SLC12A8: variants seen among roughly 807,000 people sequenced by gnomAD.
SLC12A8 encodes the protein cation-chloride cotransporter 9.
In SLC12A8, 69 loss-of-function variants were observed where a neutral mutation model predicts 75.6. The ratio of observed to expected loss-of-function variants is 0.91; its 90% CI spans 0.75 to 1.11. The LOEUF is 1.11. Ranked by LOEUF, SLC12A8 falls within the 50% of genes most tolerant of loss-of-function variation. SLC12A8 has a pLI of 0.00. For missense variants in SLC12A8, 877 were observed against 896.7 expected, an observed-to-expected ratio of 0.98 and a Z score of 0.28; for synonymous variants, 365 against 372.8, an observed-to-expected ratio of 0.98 and a Z score of 0.24.
At chr3:125,137,675 T>C (rs1933525578) in intron 5 of SLC12A8, among the ~76,000 whole-genome samples, 1 of 152,202 alleles carries the variant, frequency 6.6e-6, no homozygotes, top group Non-Finnish European at 1.5e-5. Context: ...CACAGGGGAA[T>C]ATTTGGTCAC....
intron 2 of SLC12A8, among the ~76,000 whole-genome samples, chr3:125,207,387 T>C (rs1935246493): frequency 6.6e-6 from 1 of 152,196 alleles, no homozygotes. Flanking sequence ...TTTAAGTTCC[T>C]GTTGAGACCC....
intron 10 of SLC12A8, among the ~76,000 whole-genome samples, chr3:125,100,380 C>A (rs113304653): frequency 1.3e-5 from 2 of 151,822 alleles, no homozygotes; most frequent in African/African-American, 4.8e-5. Context: ...ATTTTTATAG[C>A]TTAATAGATA....
intron 5 of SLC12A8, among the ~76,000 whole-genome samples, chr3:125,151,764 A>G (rs945498434): frequency 1.3e-5 from 2 of 152,256 alleles, no homozygotes; most frequent in African/African-American, 4.8e-5. Context: ...CATTTTGAGT[A>G]TAACTTTTTA....
chr3:125,107,925 T>C lies in SLC12A8; in HGVS notation c.1261A>G (p.Arg421Gly). 1 of 1,614,142 alleles carries C rather than the reference T, an allele frequency of 6.2e-7. No homozygotes were observed. Among genetic ancestry groups the C allele is most frequent in the East Asian group, 2.2e-5 (1 of 44,876 alleles). ...CAGTGGAGGCCTTCTGCGCCCTCCC[T>C]GAGCACCGGCTCAGGCACCGGGGTC... ...SLTPVPEPVL[R>G]EGAEGLHCSE... The change falls in exon 10 of 14, where the codon AGG (arginine) becomes GGG (glycine). Residue 421 changes from arginine (R) to glycine (G), a missense_variant. By Grantham distance (125) the Arg-to-Gly change is moderately radical (BLOSUM62 -2). Transcript: ENST00000469902.
chr3:125,135,223 G>A (rs1933456861), intron 6 of SLC12A8, among the ~76,000 whole-genome samples: 1 of 152,242 alleles, frequency 6.6e-6, no homozygotes. Flanking sequence ...GGGAGAAGAT[G>A]TGCTGGTACG....
At position 125,083,875 on chromosome 3, in the gene SLC12A8, G is replaced by T. The variant is rs1255100433; in HGVS notation, c.*15C>A. The stretch of plus-strand genomic sequence containing the variant: ...CATGGGACAGCTCCAAAAGAGGAAG[G>T]TCCCAGCACTGCATCTAGTAGTGAG... On this transcript the variant is annotated 3_prime_UTR_variant, in exon 14 of 14. Transcript: ENST00000469902. The T allele has an allele frequency of 6.2e-7, 1 of 1,608,070 alleles. No homozygotes were observed. Among genetic ancestry groups the T allele is most frequent in the Non-Finnish European group, 8.5e-7 (1 of 1,177,370 alleles).
intron 13 of SLC12A8, 86 bp downstream of exon 13, chr3:125,088,224 G>A: frequency 7.2e-7 from 1 of 1,397,182 alleles, no homozygotes; most frequent in South Asian, 1.2e-5. Flanking sequence ...CCAGGCCCAA[G>A]CCCAGCCAGG....
chr3:125,205,827 A>C (rs56077477), intron 2 of SLC12A8, among the ~76,000 whole-genome samples: 24,414 of 152,140 alleles, frequency 0.16, 2,775 homozygotes, highest in African/African-American at 0.32. Flanking sequence ...GAGTCCATAA[A>C]AATGGTATAA....
In SLC12A8 at chr3:125,083,934, G is replaced by T. The variant is rs1938392575; in HGVS notation, c.2101C>A (p.His701Asn). ...TGCTCCCGGTTCACGAGGGAGGAGT[G>T]GTGGTAGCGATCCCGAGTGGCGAAG... ...ADFATRDRYH[H>N]SSLVNREQLM... Residue 701 changes from histidine (H) to asparagine (N), a missense_variant, in exon 14 of 14, where the codon CAC becomes AAC. His to Asn is a moderately conservative substitution (Grantham distance 68). Transcript: ENST00000469902. The T allele has an allele frequency of 6.2e-7, 1 of 1,613,540 alleles. No individual in the cohort carries two copies. The highest frequency in any genetic ancestry group is 8.5e-7 in the Non-Finnish European group (1 of 1,179,860).
At chr3:125,176,937 A>T (rs936194929) in intron 5 of SLC12A8, among the ~76,000 whole-genome samples, 18 of 151,980 alleles carry the variant, frequency 1.2e-4, no homozygotes, top group Non-Finnish European at 2.1e-4. Flanking sequence ...CGGATCTAGA[A>T]CTAGAAATAC....
intron 4 of SLC12A8, 125 bp downstream of exon 4, chr3:125,187,112 C>T: frequency 1.1e-6 from 1 of 910,318 alleles, no homozygotes; most frequent in Non-Finnish European, 1.7e-6. Context: ...AGAGCCCCAA[C>T]CTGCTCGTCT....
chr3:125,148,303 A>G (rs1933835687), intron 5 of SLC12A8, among the ~76,000 whole-genome samples: 1 of 152,132 alleles, frequency 6.6e-6, no homozygotes, highest in Non-Finnish European at 1.5e-5. Flanking sequence ...GTGGGCACCT[A>G]TGTGTTGGGG....
intron 2 of SLC12A8, among the ~76,000 whole-genome samples, chr3:125,191,614 AT>A (rs1175045806): frequency 6.6e-6 from 1 of 152,252 alleles, no homozygotes. Context: ...TTAGGGAAAA[AT>A]CCAAGATCCA....
At chr3:125,184,255 G>A (rs1031384121) in intron 4 of SLC12A8, among the ~76,000 whole-genome samples, 2 of 152,192 alleles carry the variant, frequency 1.3e-5, no homozygotes, top group African/African-American at 4.8e-5. Context: ...ACAGGCGTGA[G>A]CAACCACGCC....
At chr3:125,210,778 G>A (rs1935321643) in intron 2 of SLC12A8, among the ~76,000 whole-genome samples, 1 of 152,080 alleles carries the variant, frequency 6.6e-6, no homozygotes, top group Non-Finnish European at 1.5e-5. Flanking sequence ...TATTTCTTAA[G>A]GGATCAGCTC....
intron 2 of SLC12A8, among the ~76,000 whole-genome samples, chr3:125,207,176 A>G (rs1426261155): frequency 6.6e-6 from 1 of 152,128 alleles, no homozygotes; most frequent in Non-Finnish European, 1.5e-5. Flanking sequence ...TCTGACGGGG[A>G]GCCTGCTCCC....
intron 5 of SLC12A8, among the ~76,000 whole-genome samples, chr3:125,161,533 A>G (rs567432): frequency 0.83 from 125,944 of 152,168 alleles, 52,210 homozygotes; most frequent in African/African-American, 0.86. Context: ...CAACACTGCC[A>G]GATCCCTGGT....
chr3:125,160,832 G>A (rs1934151125), intron 5 of SLC12A8, among the ~76,000 whole-genome samples: 1 of 132,498 alleles, frequency 7.5e-6, no homozygotes, highest in South Asian at 2.6e-4. Flanking sequence ...GGGACTCGGA[G>A]GGAGCTGCAC....
intron 13 of SLC12A8, 45 bp downstream of exon 13, chr3:125,088,265 C>T: frequency 6.2e-7 from 1 of 1,600,240 alleles, no homozygotes; most frequent in Non-Finnish European, 8.6e-7. Context: ...TCCCAGGACT[C>T]TGGACACTCA....
Sources: allele counts gnomAD v4.1 joint callset (sites outside exome capture counted in the v4.1 genomes callset), GRCh38; gene constraint gnomAD v4.1.1; transcripts MANE v1.5; gene names NCBI Gene and HGNC (gene_info 2026-07-23, HGNC 2026-07-21).